The following DOHH variants were observed in gnomAD, a reference collection of about 807,000 sequenced individuals.
The protein encoded by DOHH is deoxyhypusine hydroxylase.
Under a neutral mutation model 19.9 loss-of-function variants are expected in DOHH, and 16 were observed. The ratio of observed to expected loss-of-function variants is 0.80; its 90% confidence interval spans 0.54 to 1.22. The LOEUF (loss-of-function observed/expected upper bound fraction) is 1.22. Ranked by LOEUF, DOHH falls within the 50% of genes most tolerant of loss-of-function variation. DOHH has a pLI of 0.00. For synonymous variants in DOHH, 233 were observed against 217.0 expected (o/e 1.07, Z -0.65); for missense variants, 460 against 460.6 (o/e 1.00, Z 0.01).
Position 3,491,381 on chromosome 19 carries a change from A to G in DOHH, c.*111T>C, listed in dbSNP as rs2082867942. 8.4e-7 allele frequency: 1 copy of G among 1,197,250 alleles called. No individual in the cohort carries two copies. 74.2% of individuals were successfully genotyped at this position (1,197,250 alleles called of 1,614,324 possible). A position where few individuals can be genotyped will look rare whatever the true frequency, so the allele number is the denominator to read the frequency against. On this transcript the variant is annotated 3_prime_UTR_variant, in exon 5 of 5. Coordinates refer to ENST00000427575, the MANE Select transcript of DOHH (RefSeq NM_001145165.2). The surrounding 1 kb of genome is among the most constrained non-coding windows in gnomAD (Gnocchi z 5.6). The stretch of plus-strand genomic sequence containing the variant: ...GGGGGACAGCAACCATGCGCCCAGC[A>G]AGACACAAGCGATGACACCGATTTA...
At chr19:3,500,122 G>A (rs1002567017) in intron 1 of DOHH, among the ~76,000 whole-genome samples, 2 of 152,168 alleles carry the variant, frequency 1.3e-5, no homozygotes, top group African/African-American at 4.8e-5. Flanking sequence ...GATCGGCTGA[G>A]AACCTGGCGG....
chr19:3,497,680 G>A (rs1030102282), intron 1 of DOHH, among the ~76,000 whole-genome samples: 6 of 152,120 alleles, frequency 3.9e-5, no homozygotes, highest in African/African-American at 9.7e-5. Context: ...GCTGGAGTAC[G>A]GCAGCATGAT....
chr19:3,494,844 G>A (rs2082896930), intron 2 of DOHH, among the ~76,000 whole-genome samples: 1 of 152,248 alleles, frequency 6.6e-6, no homozygotes, highest in Admixed American at 6.5e-5. Context: ...CACAGGCTCT[G>A]TGTCAGGCAC....
In DOHH at chr19:3,491,274, G is replaced by GC; in HGVS notation, c.*217dup. The GC allele has an allele frequency of 1.7e-6, 1 of 601,064 alleles. No homozygotes were observed. The allele number at this position is 601,064 out of a possible 1,614,324, so 37.2% of individuals were successfully genotyped here. A position where few individuals can be genotyped will look rare whatever the true frequency, so the allele number is the denominator to read the frequency against. On this transcript the variant is annotated 3_prime_UTR_variant, in exon 5 of 5. Coordinates refer to ENST00000427575, the MANE Select transcript of DOHH (RefSeq NM_001145165.2). This position sits in a 1 kb window ranked among gnomAD's most constrained non-coding sequence, Gnocchi z 5.6. Reference sequence around the variant, plus strand: ...CAAGCCTGGAAACTTCCACGCTACAGCCCTGCGCCAGGCCCCGAGGAGCAG... The same window carrying GC: ...CAAGCCTGGAAACTTCCACGCTACAGCCCCTGCGCCAGGCCCCGAGGAGCAG...
Position 3,491,518 on chromosome 19 carries a change from C to G in DOHH, c.883G>C (p.Glu295Gln). ...TAGGAGGGGGCCCCGCGCAGCTGCTCCAGGCCGTCCGCGTACTGGAAGGCC... is the reference window on the plus strand; with the variant it reads ...TAGGAGGGGGCCCCGCGCAGCTGCTGCAGGCCGTCCGCGTACTGGAAGGCC... ...GRAFQYADGL[E>Q]QLRGAPS Residue 295 changes from glutamate to glutamine, a missense_variant, in exon 5 of 5, where the codon GAG becomes CAG. Physicochemically the swap from Glu to Gln is conservative, Grantham distance 29. Transcript: ENST00000427575. This position sits in a 1 kb window ranked among gnomAD's most constrained non-coding sequence, Gnocchi z 5.6. 6.5e-7 allele frequency: 1 copy of G among 1,535,150 alleles called. No individual in the cohort carries two copies. Among genetic ancestry groups the G allele is most frequent in the Admixed American group, 2.0e-5 (1 of 50,944 alleles).
Position 3,496,815 on chromosome 19 carries a change from C to T in DOHH, c.-1G>A, listed in dbSNP as rs899812826. 3.8e-6 allele frequency: 6 copies of T among 1,580,732 alleles called. No individual in the cohort carries two copies. The highest frequency in any genetic ancestry group is 1.8e-5 in the Admixed American group (1 of 56,536). ...CATCCACCTCCTGCTCCGTCACCAT[C>T]GTGCTGTCAATGGGTCCCGGCCTTC... On this transcript the variant is annotated 5_prime_UTR_variant, in exon 2 of 5. Transcript: ENST00000427575. This position sits in a 1 kb window ranked among gnomAD's most constrained non-coding sequence, Gnocchi z 4.8.
At chr19:3,497,420 A>T (rs2082916862) in intron 1 of DOHH, among the ~76,000 whole-genome samples, 1 of 152,170 alleles carries the variant, frequency 6.6e-6, no homozygotes, top group Non-Finnish European at 1.5e-5. Context: ...CCACGTGGCA[A>T]AAAACTGAGC....
At chr19:3,498,195 G>A (rs1313377271) in intron 1 of DOHH, among the ~76,000 whole-genome samples, 1 of 152,084 alleles carries the variant, frequency 6.6e-6, no homozygotes, top group Non-Finnish European at 1.5e-5. Context: ...TGATCTCCAT[G>A]AGGAACATTC....
Position 3,491,923 on chromosome 19 carries a change from C to T in DOHH, c.590-112G>A, listed in dbSNP as rs562687033. 5.1e-6 allele frequency: 6 copies of T among 1,173,142 alleles called. No homozygotes were observed. Among genetic ancestry groups the T allele is most frequent in the East Asian group, 3.0e-5 (1 of 33,606 alleles). 72.7% of individuals were successfully genotyped at this position (1,173,142 alleles called of 1,614,324 possible). On this transcript the variant is annotated intron_variant, in intron 4 of 4. Transcript: ENST00000427575. The surrounding 1 kb of genome is among the most constrained non-coding windows in gnomAD (Gnocchi z 5.6). ...GCCCAGGCAGGTCACAAAGTCCTGGCGATCTTCCCATCCCGGCCTCCCAAA... is the reference window on the plus strand; with the variant it reads ...GCCCAGGCAGGTCACAAAGTCCTGGTGATCTTCCCATCCCGGCCTCCCAAA...
At position 3,491,502 on chromosome 19, in the gene DOHH, G is replaced by GT. The variant is rs2082868931; in HGVS notation, c.898_899insA (p.Ala300AspfsTer17). Reference sequence around the variant, plus strand: ...GGTGAGGGTGGGGCCCTAGGAGGGGGCCCCGCGCAGCTGCTCCAGGCCGTC... The same window carrying GT: ...GGTGAGGGTGGGGCCCTAGGAGGGGGTCCCCGCGCAGCTGCTCCAGGCCGTC... On this transcript the variant is annotated frameshift_variant, in exon 5 of 5. Transcript: ENST00000427575. LOFTEE classifies it high-confidence loss of function. The surrounding 1 kb of genome is among the most constrained non-coding windows in gnomAD (Gnocchi z 5.6). 4 of 1,533,726 alleles carry GT rather than the reference G, an allele frequency of 2.6e-6. No homozygotes were observed. The highest frequency in any genetic ancestry group is 3.5e-6 in the Non-Finnish European group (4 of 1,146,242).
In DOHH at chr19:3,492,517, C is replaced by A. The variant is rs541740760; in HGVS notation, c.352-18G>T. On this transcript the variant is annotated intron_variant, in intron 3 of 4. Transcript: ENST00000427575. ...TCGGCCACCTGCGGGGAGGGGGTAT[C>A]AGGCAGCGGGTTGGCCCTGGGGGGT... The A allele has an allele frequency of 5.8e-6, 8 of 1,373,960 alleles. No individual in the cohort carries two copies. The highest frequency in any genetic ancestry group is 5.1e-5 in the South Asian group (3 of 59,358). 85.1% of individuals were successfully genotyped at this position (1,373,960 alleles called of 1,614,324 possible). A position where few individuals can be genotyped will look rare whatever the true frequency, so the allele number is the denominator to read the frequency against.
Position 3,496,988 on chromosome 19 carries a change from T to C in DOHH, c.-72-102A>G, listed in dbSNP as rs997469837. Reference sequence around the variant, plus strand: ...GCAAATTCCTACCCACTGACCAACCTGAGCATCTACGCTGAAAGCTCAGCT... The same window carrying C: ...GCAAATTCCTACCCACTGACCAACCCGAGCATCTACGCTGAAAGCTCAGCT... On this transcript the variant is annotated intron_variant, in intron 1 of 4. Transcript: ENST00000427575. This position sits in a 1 kb window ranked among gnomAD's most constrained non-coding sequence, Gnocchi z 4.8. 1.3e-6 allele frequency: 1 copy of C among 770,102 alleles called. No individual in the cohort carries two copies. The allele number at this position is 770,102 out of a possible 1,614,324, so 47.7% of individuals were successfully genotyped here.
At chr19:3,500,281 G>C (rs2082940744) in intron 1 of DOHH, among the ~76,000 whole-genome samples, 1 of 152,148 alleles carries the variant, frequency 6.6e-6, no homozygotes, top group Non-Finnish European at 1.5e-5. Flanking sequence ...CTTTAAAGAG[G>C]GGTCATCAGA....
rs370247103 is a variant in DOHH at position 3,491,291 on chromosome 19, G to A, written c.*201C>T. ...ACGCTACAGCCCTGCGCCAGGCCCC[G>A]AGGAGCAGTCAGGGGACTCAGGGAG... On this transcript the variant is annotated 3_prime_UTR_variant, in exon 5 of 5. Transcript: ENST00000427575. The surrounding 1 kb of genome is among the most constrained non-coding windows in gnomAD (Gnocchi z 5.6). The A allele has an allele frequency of 4.7e-5, 29 of 620,130 alleles. 1 individual carries two copies. The highest frequency in any genetic ancestry group is 2.7e-4 in the African/African-American group (14 of 52,668). The allele number at this position is 620,130 out of a possible 1,614,324, so 38.4% of individuals were successfully genotyped here. A position where few individuals can be genotyped will look rare whatever the true frequency, so the allele number is the denominator to read the frequency against.
intron 1 of DOHH, among the ~76,000 whole-genome samples, chr19:3,498,315 G>C (rs537869614): frequency 6.6e-6 from 1 of 152,166 alleles, no homozygotes; most frequent in Non-Finnish European, 1.5e-5. Context: ...AAAAGAGCCA[G>C]TGCCCTCATA....
chr19:3,492,749 G>T (rs2082880239), intron 3 of DOHH, among the ~76,000 whole-genome samples: 1 of 152,182 alleles, frequency 6.6e-6, no homozygotes, highest in South Asian at 2.1e-4. Context: ...GAGGGAATCA[G>T]GTGGAGACCC....
intron 3 of DOHH, among the ~76,000 whole-genome samples, chr19:3,493,727 G>A (rs1488033684): frequency 6.6e-6 from 1 of 152,192 alleles, no homozygotes. Context: ...GGTCTTGGCA[G>A]AGGGACTGGA....
intron 1 of DOHH, among the ~76,000 whole-genome samples, chr19:3,498,035 C>T (rs908004927): frequency 5.9e-5 from 9 of 152,170 alleles, no homozygotes; most frequent in African/African-American, 2.2e-4. Context: ...CCTATGCCTC[C>T]TCACTCAACT....
In DOHH at chr19:3,493,993, G is replaced by A. The variant is rs753778810; in HGVS notation, c.351+35C>T. The A allele has an allele frequency of 6.9e-6, 11 of 1,600,156 alleles. No homozygotes were observed. The East Asian group carries it at 1.3e-4, about 20-fold the overall frequency. On this transcript the variant is annotated intron_variant, in intron 3 of 4. Coordinates refer to ENST00000427575, the MANE Select transcript of DOHH (RefSeq NM_001145165.2). ...GCTGGGCAGGGCTTCCCAGGGACCC[G>A]AGACTGGCAGGGAGACAAGCAGGGG...
Sources: gnomAD v4.1 joint callset for allele counts (sites outside exome capture counted in the v4.1 genomes callset) on GRCh38, gnomAD v4.1.1 for gene constraint, Gnocchi (gnomAD v3.1) non-coding constraint, MANE v1.5 for transcripts, NCBI Gene and HGNC (gene_info 2026-07-23, HGNC 2026-07-21) for gene names.